Variants in ABCC9 observed in about 807,000 individuals in gnomAD.
The protein encoded by ABCC9 is ATP binding cassette subfamily C member 9.
In ABCC9, 95 loss-of-function variants were observed where a neutral mutation model predicts 188.3. That is an observed-to-expected ratio of 0.50 (90% CI 0.43 to 0.60). The LOEUF (loss-of-function observed/expected upper bound fraction) is 0.60, where lower values mean the gene tolerates loss of function less well. Among genes scored for constraint, ABCC9 ranks in the 20% least tolerant of loss-of-function variants. ABCC9 has a pLI of 0.00. For synonymous variants in ABCC9, 659 were observed against 652.7 expected, an observed-to-expected ratio of 1.01 and a Z score of -0.15; for missense variants, 1,102 against 1,876.3, an observed-to-expected ratio of 0.59 and a Z score of 7.62.
chr12:21,869,853 G>A (rs967413386), intron 18 of ABCC9, among the ~76,000 whole-genome samples: 1 of 152,112 alleles, frequency 6.6e-6, no homozygotes, highest in Admixed American at 6.5e-5. Context: ...TTGGCATGAA[G>A]GAGGTACTCA....
chr12:21,826,903 TAGTAATA>T (rs1943411306), intron 31 of ABCC9, among the ~76,000 whole-genome samples: 1 of 152,216 alleles, frequency 6.6e-6, no homozygotes, highest in African/African-American at 2.4e-5. Context: ...GGGAGAGTTC[TAGTAATA>T]AGACTAGATT....
intron 4 of ABCC9, among the ~76,000 whole-genome samples, chr12:21,932,233 T>G (rs1029680667): frequency 1.3e-5 from 2 of 152,090 alleles, no homozygotes; most frequent in African/African-American, 2.4e-5. Context: ...ATTCATTATA[T>G]TTTAACTGTC....
intron 10 of ABCC9, among the ~76,000 whole-genome samples, chr12:21,909,296 A>T (rs1292792564): frequency 6.6e-6 from 1 of 151,938 alleles, no homozygotes; most frequent in Non-Finnish European, 1.5e-5. Context: ...GTTTTCTATT[A>T]AAAAATGAAA....
Position 21,806,151 on chromosome 12 carries a change from T to C in ABCC9, c.4450-91A>G. ...AACAATCAATATTCCACTGAATCCCTTGTGAGCATTCTCAATCCCTCATTT... is the reference window on the plus strand; with the variant it reads ...AACAATCAATATTCCACTGAATCCCCTGTGAGCATTCTCAATCCCTCATTT... On this transcript the variant is annotated intron_variant, in intron 38 of 39. Coordinates refer to ENST00000261200, the MANE Select transcript of ABCC9 (RefSeq NM_020297.4). 3 of 1,129,380 alleles carry C rather than the reference T, an allele frequency of 2.7e-6. No homozygotes were observed. The South Asian group carries it at 3.9e-5, about 14-fold the overall frequency. 70.0% of individuals were successfully genotyped at this position (1,129,380 alleles called of 1,614,324 possible).
intron 31 of ABCC9, chr12:21,828,642 C>T (rs1943532466): frequency 2.7e-6 from 1 of 371,784 alleles, no homozygotes; most frequent in Admixed American, 3.8e-5. Flanking sequence ...TACATCTGTT[C>T]ACTTGCCAAA....
intron 3 of ABCC9, among the ~76,000 whole-genome samples, chr12:21,934,134 T>A (rs1348976627): frequency 6.6e-6 from 1 of 152,060 alleles, no homozygotes; most frequent in Non-Finnish European, 1.5e-5. Flanking sequence ...GCTAACACAT[T>A]AACATTTGTG....
At chr12:21,899,030 T>G (rs183950762) in intron 12 of ABCC9, among the ~76,000 whole-genome samples, 302 of 152,254 alleles carry the variant, frequency 2.0e-3, no homozygotes, top group African/African-American at 6.7e-3. Context: ...GTTAAAAAAC[T>G]GCAAATATTT....
intron 5 of ABCC9, chr12:21,924,078 A>G (rs963114073): frequency 5.1e-6 from 2 of 393,170 alleles, no homozygotes; most frequent in Non-Finnish European, 4.5e-6. Context: ...GGGGGTAAAA[A>G]TCAGAACAGA....
At chr12:21,812,274 TC>T in intron 35 of ABCC9, 117 bp from the exon 36 acceptor site, 2 of 759,070 alleles carry the variant, frequency 2.6e-6, no homozygotes, top group Non-Finnish European at 4.5e-6. Flanking sequence ...GACCCACTTT[TC>T]CATTTAAGCA....
At chr12:21,828,891 G>T in intron 31 of ABCC9, 67 bp downstream of exon 31, 1 of 1,286,718 alleles carries the variant, frequency 7.8e-7, no homozygotes, top group Non-Finnish European at 1.1e-6. Context: ...TTTTACAACT[G>T]TCTGCCTCTT....
At chr12:21,815,516 T>A (rs1367004526) in intron 34 of ABCC9, among the ~76,000 whole-genome samples, 1 of 152,186 alleles carries the variant, frequency 6.6e-6, no homozygotes, top group Non-Finnish European at 1.5e-5. Flanking sequence ...CAGAAATTTT[T>A]AAAAACATGC....
At position 21,925,677 on chromosome 12, in the gene ABCC9, T is replaced by C. The variant is rs1251634735; in HGVS notation, c.406+265A>G. 6.4e-6 allele frequency: 4 copies of C among 627,112 alleles called. No individual in the cohort carries two copies. The East Asian group carries it at 8.2e-5, about 13-fold the overall frequency. The allele number at this position is 627,112 out of a possible 1,614,324, so 38.8% of individuals were successfully genotyped here. A position where few individuals can be genotyped will look rare whatever the true frequency, so the allele number is the denominator to read the frequency against. On this transcript the variant is annotated intron_variant, in intron 5 of 39. Coordinates refer to ENST00000261200, the MANE Select transcript of ABCC9 (RefSeq NM_020297.4). ...GCCAGCCATATTTCCTCCACTTTCT[T>C]CCCCCACCCCCCTACACCACAGAGA...
chr12:21,848,289 T>C, intron 24 of ABCC9, 43 bp from the exon 25 acceptor site: 2 of 1,543,904 alleles, frequency 1.3e-6, no homozygotes, highest in African/African-American at 1.4e-5. Context: ...CTAACACCAA[T>C]AGGTTGTGAC....
Position 21,844,564 on chromosome 12 carries a change from A to G in ABCC9, c.3246-12T>C. The G allele has an allele frequency of 6.2e-7, 1 of 1,612,204 alleles. No homozygotes were observed. Among genetic ancestry groups the G allele is most frequent in the East Asian group, 2.2e-5 (1 of 44,842 alleles). ...TGGTATCAAAAAACCTAGGCAATAA[A>G]CAGATGGAAGTATATGATAATACTA... On this transcript the variant is annotated splice_polypyrimidine_tract_variant and intron_variant, in intron 27 of 39. Transcript: ENST00000261200.
chr12:21,870,341 C>A (rs970426279), intron 18 of ABCC9, among the ~76,000 whole-genome samples: 1 of 152,024 alleles, frequency 6.6e-6, no homozygotes. Flanking sequence ...ACTACAGACT[C>A]AAACTCCTAG....
chr12:21,846,017 A>G (rs1391666418), intron 25 of ABCC9, among the ~76,000 whole-genome samples, 185 bp from the exon 26 acceptor site: 1 of 152,216 alleles, frequency 6.6e-6, no homozygotes, highest in Non-Finnish European at 1.5e-5. Context: ...AAATGAATGA[A>G]TGAATGAGTG....
intron 24 of ABCC9, among the ~76,000 whole-genome samples, chr12:21,848,480 G>T (rs1452923637): frequency 3.3e-5 from 5 of 152,146 alleles, no homozygotes; most frequent in African/African-American, 4.8e-5. Flanking sequence ...ACCAGGAAAA[G>T]CAAGAATGAG....
At chr12:21,885,230 A>G (rs1211920417) in intron 15 of ABCC9, among the ~76,000 whole-genome samples, 1 of 152,124 alleles carries the variant, frequency 6.6e-6, no homozygotes, top group Non-Finnish European at 1.5e-5. Flanking sequence ...CATTAGTGTT[A>G]TTTTCAAACA....
At chr12:21,870,631 T>C (rs757925833) in intron 18 of ABCC9, among the ~76,000 whole-genome samples, 5 of 152,172 alleles carry the variant, frequency 3.3e-5, no homozygotes, top group African/African-American at 7.2e-5. Flanking sequence ...TTTCCTCACG[T>C]TTCCTTCTTT....
Sources: gnomAD v4.1 joint callset for allele counts (sites outside exome capture counted in the v4.1 genomes callset) on GRCh38, gnomAD v4.1.1 for gene constraint, MANE v1.5 for transcripts, NCBI Gene and HGNC (gene_info 2026-07-23, HGNC 2026-07-21) for gene names.